Variants in ANLN observed in about 807,000 individuals in gnomAD.
ANLN encodes the protein anillin, actin binding protein.
In ANLN, 59 loss-of-function variants were observed where a neutral mutation model predicts 135.1. The ratio of observed to expected loss-of-function variants is 0.44; its 90% CI spans 0.35 to 0.54. The LOEUF is 0.54. Ranked by LOEUF, ANLN falls within the 20% of genes least tolerant of loss-of-function variation. ANLN has a pLI of 0.00. For synonymous variants in ANLN, 406 were observed against 456.4 expected (o/e 0.89, Z 1.41); for missense variants, 1,182 against 1,340.0 (o/e 0.88, Z 1.84).
At position 36,431,512 on chromosome 7, in the gene ANLN, GTCTA is replaced by G. The variant is rs549825942; in HGVS notation, c.2883+4499_2883+4502del. On this transcript the variant is annotated intron_variant, in intron 20 of 23. Coordinates refer to ENST00000265748, the MANE Select transcript of ANLN (RefSeq NM_018685.5). ...GAAGTCAATGTTACTTTAGATATCT[GTCTA>G]TCTATCTATCTATCATATATATATG... 2.5e-3 allele frequency among the ~76,000 whole-genome samples: 371 copies of G among 146,320 alleles called. 3 individuals are homozygous for G. The highest frequency in any genetic ancestry group is 8.7e-3 in the African/African-American group (347 of 39,684).
intron 3 of ANLN, among the ~76,000 whole-genome samples, chr7:36,400,253 T>A (rs1272535196): frequency 6.6e-6 from 1 of 152,210 alleles, no homozygotes; most frequent in Non-Finnish European, 1.5e-5. Flanking sequence ...CTGAGAGAAC[T>A]TTCTTTCATG....
intron 2 of ANLN, among the ~76,000 whole-genome samples, chr7:36,397,953 ATAGAT>A (rs1725064575): frequency 6.6e-6 from 1 of 152,150 alleles, no homozygotes; most frequent in Non-Finnish European, 1.5e-5. Context: ...TGGGGAAAAA[ATAGAT>A]TAGAAAGTTT....
intron 16 of ANLN, 28 bp downstream of exon 16, chr7:36,424,621 T>A (rs1173123000): frequency 6.3e-7 from 1 of 1,598,744 alleles, no homozygotes; most frequent in Admixed American, 1.7e-5. Context: ...TCTAAAATAA[T>A]GAAGAGTATA....
chr7:36,446,679 C>G (rs926516820), intron 22 of ANLN, among the ~76,000 whole-genome samples: 9 of 152,052 alleles, frequency 5.9e-5, no homozygotes, highest in Admixed American at 5.9e-4. Context: ...TTGAGAAATC[C>G]GCCTGCATGA....
chr7:36,437,896 G>A (rs1342307358), intron 20 of ANLN, among the ~76,000 whole-genome samples: 3 of 151,488 alleles, frequency 2.0e-5, no homozygotes, highest in African/African-American at 7.3e-5. Flanking sequence ...TCAGCCTCCC[G>A]AGTAGCTGGG....
At chr7:36,415,134 T>C (rs1190963682) in intron 7 of ANLN, among the ~76,000 whole-genome samples, 1 of 152,226 alleles carries the variant, frequency 6.6e-6, no homozygotes, top group Non-Finnish European at 1.5e-5. Context: ...TCTTTAAACA[T>C]ACAAAATAGT....
At chr7:36,397,986 T>G (rs555700043) in intron 2 of ANLN, among the ~76,000 whole-genome samples, 70 of 152,328 alleles carry the variant, frequency 4.6e-4, no homozygotes, top group African/African-American at 1.6e-3. Context: ...TATATTTACT[T>G]AGGTTGATGT....
intron 1 of ANLN, chr7:36,390,283 C>A: frequency 1.6e-6 from 1 of 607,184 alleles, no homozygotes; most frequent in Non-Finnish European, 2.8e-6. Context: ...TGAGTCTGTC[C>A]TAAAAGGCTG....
chr7:36,397,940 G>A (rs2116517719), intron 2 of ANLN, among the ~76,000 whole-genome samples: 1 of 152,160 alleles, frequency 6.6e-6, no homozygotes, highest in South Asian at 2.1e-4. Flanking sequence ...CATAAAAGTG[G>A]AGTGGGGAAA....
intron 20 of ANLN, among the ~76,000 whole-genome samples, chr7:36,431,791 C>T (rs746374312): frequency 3.3e-5 from 5 of 151,656 alleles, no homozygotes; most frequent in African/African-American, 1.2e-4. Flanking sequence ...AACCCACTTA[C>T]CTTTACACAA....
In ANLN at chr7:36,406,201, C is replaced by T. The variant is rs1489053887; in HGVS notation, c.508C>T (p.Leu170Phe). ...DMTDDIPESS[L>F]FSPMPSEEKA... ...TTCAGATGACATTCCTGAAAGCTCACTCTTCTCACCAATGCCATCAGAGGA... is the reference window on the plus strand; with the variant it reads ...TTCAGATGACATTCCTGAAAGCTCATTCTTCTCACCAATGCCATCAGAGGA... The change falls in exon 4 of 24, where the codon CTC becomes TTC. Residue 170 changes from leucine (L) to phenylalanine (F), a missense_variant. Leu to Phe is a conservative substitution (Grantham distance 22, BLOSUM62 0). Coordinates refer to ENST00000265748, the MANE Select transcript of ANLN (RefSeq NM_018685.5). The T allele has an allele frequency of 4.6e-5, 74 of 1,595,562 alleles. No homozygotes were observed. In the Admixed American group the frequency reaches 1.3e-3, roughly 27 times the overall value.
At chr7:36,418,602 G>A (rs913588238) in intron 9 of ANLN, among the ~76,000 whole-genome samples, 13 of 152,078 alleles carry the variant, frequency 8.5e-5, no homozygotes, top group African/African-American at 2.7e-4. Flanking sequence ...AGCTCTCAAC[G>A]ATAGAAAAAG....
At chr7:36,440,889 A>T (rs979406173) in intron 21 of ANLN, among the ~76,000 whole-genome samples, 1 of 152,230 alleles carries the variant, frequency 6.6e-6, no homozygotes, top group East Asian at 1.9e-4. Context: ...AAGAACTTGA[A>T]TGATGCAAGG....
rs1789169905 is a variant in ANLN, at chr7:36,449,800, C to T, written c.3214C>T (p.Leu1072Phe). ...RPQREDDRET[L>F]VSQCRDTLCV... ...ACAAAGAGAAGATGACCGAGAGACT[C>T]TTGTCAGCCAATGCAGGGACACACT... is the stretch of plus-strand genomic sequence containing the variant. The change falls in exon 23 of 24, where the codon CTT (leucine) becomes TTT (phenylalanine). Residue 1072 changes from leucine (L) to phenylalanine (F), a missense_variant. By Grantham distance (22) the Leu-to-Phe change is conservative. Around this residue, in one of 3 missense-constraint regions of ANLN, gnomAD observed 78 missense variants for 72.7 expected, o/e 1.07. Transcript: ENST00000265748. 1 of 1,613,964 alleles carries T rather than the reference C, an allele frequency of 6.2e-7. No homozygotes were observed. Among genetic ancestry groups the T allele is most frequent in the Non-Finnish European group, 8.5e-7 (1 of 1,179,958 alleles).
chr7:36,452,033 C>T (rs534838987), intron 23 of ANLN, among the ~76,000 whole-genome samples: 106 of 152,246 alleles, frequency 7.0e-4, no homozygotes, highest in African/African-American at 2.4e-3. Context: ...ACCTGTAGAG[C>T]CAGGTGAAGG....
chr7:36,390,131 C>T, intron 1 of ANLN, 87 bp downstream of exon 1: 2 of 1,600,252 alleles, frequency 1.2e-6, no homozygotes, highest in Non-Finnish European at 1.7e-6. Context: ...GGCGAACCCC[C>T]ACCGGGCGGA....
rs768130468 is a variant in ANLN, at chr7:36,420,546, G to A, written c.2016-51G>A. On this transcript the variant is annotated intron_variant, in intron 11 of 23. Transcript: ENST00000265748. ...CTGCTGATATGTTCAATAAAGGATA[G>A]TGCTCAGTGTGTTGCTGGATTTCTA... The A allele has an allele frequency of 2.7e-6, 4 of 1,478,120 alleles. No homozygotes were observed. The South Asian group carries it at 3.5e-5, about 13-fold the overall frequency. 91.6% of individuals were successfully genotyped at this position (1,478,120 alleles called of 1,614,324 possible).
intron 20 of ANLN, among the ~76,000 whole-genome samples, chr7:36,427,745 T>C (rs1283376885): frequency 6.6e-6 from 1 of 152,230 alleles, no homozygotes. Context: ...CTTAGAAAAG[T>C]ACTTACGAAT....
intron 1 of ANLN, among the ~76,000 whole-genome samples, chr7:36,391,869 TAAACTCTCTTTTCCTC>T (rs1786483112): frequency 6.6e-6 from 1 of 152,088 alleles, no homozygotes; most frequent in South Asian, 2.1e-4. Context: ...ACAATCATGG[TAAACTCTCTTTTCCTC>T]AAACAAGACT....
Sources: allele counts gnomAD v4.1 joint callset (sites outside exome capture counted in the v4.1 genomes callset), GRCh38; gene constraint gnomAD v4.1.1; regional missense constraint gnomAD v4.1.1; transcripts MANE v1.5; gene names NCBI Gene and HGNC (gene_info 2026-07-23, HGNC 2026-07-21).